The following PRLR variants were observed in gnomAD, a reference collection of about 807,000 sequenced individuals.
PRLR encodes the protein hPRL receptor.
PRLR carries 13 observed loss-of-function variants against 40.2 expected under a neutral mutation model. That is an observed-to-expected ratio of 0.32 (90% confidence interval 0.21 to 0.51). The LOEUF is 0.51. PRLR is among the 20% of genes least tolerant of loss of function. PRLR has a pLI of 0.97. For synonymous variants in PRLR, 269 were observed against 278.7 expected (o/e 0.97, Z 0.35); for missense variants, 656 against 747.3 (o/e 0.88, Z 1.42).
chr5:35,155,863 G>T (rs1774480121), intron 1 of PRLR, among the ~76,000 whole-genome samples: 1 of 152,156 alleles, frequency 6.6e-6, no homozygotes, highest in Admixed American at 6.5e-5. Context: ...GATAATTCAT[G>T]ATTTCACAAA....
rs184625944 is a variant in PRLR, at chr5:35,086,333, T to C, written c.78A>G (p.Leu26=). ...FLNTCLLNGQ[L]PPGKPEIFKC... ...TAAAGATCTCAGGTTTTCCAGGAGGTAACTGTCCTAGAAAAAGCCAGAAGC... is the reference window on the plus strand; with the variant it reads ...TAAAGATCTCAGGTTTTCCAGGAGGCAACTGTCCTAGAAAAAGCCAGAAGC... Residue 26 remains leucine (L), a synonymous_variant, in exon 4 of 10, where the codon TTA becomes TTG. Transcript: ENST00000618457. 34 of 1,613,218 alleles carry C rather than the reference T, an allele frequency of 2.1e-5. No individual in the cohort carries two copies. Among genetic ancestry groups the C allele is most frequent in the Middle Eastern group, 3.4e-4 (2 of 5,860 alleles).
chr5:35,191,983 G>C (rs934785147), intron 1 of PRLR, among the ~76,000 whole-genome samples: 5 of 152,178 alleles, frequency 3.3e-5, no homozygotes, highest in Admixed American at 6.5e-5. Context: ...ATCAAGTCCA[G>C]AGGAATTCTT....
chr5:35,109,437 A>G (rs765823267), intron 2 of PRLR, among the ~76,000 whole-genome samples: 1 of 152,234 alleles, frequency 6.6e-6, no homozygotes, highest in Non-Finnish European at 1.5e-5. Flanking sequence ...GGCAACCTAC[A>G]GAATGGGAGA....
chr5:35,221,949 C>G (rs931741), intron 1 of PRLR, among the ~76,000 whole-genome samples: 89,985 of 152,100 alleles, frequency 0.59, 27,885 homozygotes, highest in Non-Finnish European at 0.7. Flanking sequence ...TCCGTCCCCA[C>G]CCCTAGTCTC....
At chr5:35,179,693 C>T (rs1030502127) in intron 1 of PRLR, among the ~76,000 whole-genome samples, 4 of 152,098 alleles carry the variant, frequency 2.6e-5, no homozygotes, top group African/African-American at 9.7e-5. Context: ...ATGTGTGTCC[C>T]CACCCAAATT....
At chr5:35,219,156 C>G (rs1482507736) in intron 1 of PRLR, among the ~76,000 whole-genome samples, 4 of 152,156 alleles carry the variant, frequency 2.6e-5, no homozygotes, top group Admixed American at 2.6e-4. Flanking sequence ...CTCCCGGAAG[C>G]CCGGCCCAGT....
intron 1 of PRLR, among the ~76,000 whole-genome samples, chr5:35,121,613 C>T (rs1773294051): frequency 6.6e-6 from 1 of 152,192 alleles, no homozygotes; most frequent in South Asian, 2.1e-4. Context: ...TAATACACAA[C>T]ATTTACTAAG....
rs1200061769 is a variant in PRLR at position 35,063,205 on chromosome 5, T to C, written c.*1884A>G. ...TCCCTTACTCACATGATATTGTTTA[T>C]ATATTAGAAAAATGGAGCTTCGTAT... On this transcript the variant is annotated 3_prime_UTR_variant, in exon 10 of 10. Transcript: ENST00000618457. 6.6e-6 allele frequency: 1 copy of C among 152,228 alleles called. No homozygotes were observed. Among genetic ancestry groups the C allele is most frequent in the Non-Finnish European group, 1.5e-5 (1 of 68,046 alleles). The allele number at this position is 152,228 out of a possible 1,614,324, so 9.4% of individuals were successfully genotyped here.
At chr5:35,068,717 T>G in intron 8 of PRLR, 62 bp downstream of exon 8, 2 of 1,250,152 alleles carry the variant, frequency 1.6e-6, no homozygotes, top group East Asian at 2.3e-5. Flanking sequence ...TTTGTATTTT[T>G]TTTTTTGTCA....
At chr5:35,197,514 T>C (rs945973993) in intron 1 of PRLR, among the ~76,000 whole-genome samples, 1 of 152,238 alleles carries the variant, frequency 6.6e-6, no homozygotes, top group African/African-American at 2.4e-5. Context: ...GATGTCATTC[T>C]TGCTGGATTT....
At chr5:35,088,611 T>A (rs1219372073) in intron 3 of PRLR, among the ~76,000 whole-genome samples, 2 of 152,172 alleles carry the variant, frequency 1.3e-5, no homozygotes, top group Non-Finnish European at 2.9e-5. Flanking sequence ...TTTGTAAAAT[T>A]ACAATTAGAC....
At chr5:35,099,808 G>A (rs1418892530) in intron 2 of PRLR, among the ~76,000 whole-genome samples, 1 of 152,188 alleles carries the variant, frequency 6.6e-6, no homozygotes, top group African/African-American at 2.4e-5. Flanking sequence ...AAAGTTTATA[G>A]TATAAGCATA....
chr5:35,143,116 C>T (rs1265513313), intron 1 of PRLR, among the ~76,000 whole-genome samples: 1 of 152,142 alleles, frequency 6.6e-6, no homozygotes, highest in Non-Finnish European at 1.5e-5. Context: ...TATGATTATG[C>T]AAATAAGGAA....
chr5:35,132,582 G>T (rs762684887), intron 1 of PRLR, among the ~76,000 whole-genome samples: 1 of 152,078 alleles, frequency 6.6e-6, no homozygotes, highest in African/African-American at 2.4e-5. Context: ...ATTCAAAATA[G>T]GAAACACATT....
Position 35,070,209 on chromosome 5 carries a change from C to T in PRLR, c.600G>A (p.Gln200=), listed in dbSNP as rs1769659726. Residue 200 remains glutamine, a synonymous_variant, in exon 7 of 10, where the codon CAG becomes CAA. Transcript: ENST00000618457. ...TGCAGCGAACCTGGACAAGGTATTT[C>T]TGTCCTGGATGTAGGCTGAGAATCT... is the stretch of plus-strand genomic sequence containing the variant. The part of the protein sequence containing the change: ...EFKILSLHPG[Q]KYLVQVRCKP... 1 of 1,613,996 alleles carries T rather than the reference C, an allele frequency of 6.2e-7. No homozygotes were observed. The highest frequency in any genetic ancestry group is 8.5e-7 in the Non-Finnish European group (1 of 1,179,984).
At chr5:35,210,672 A>G (rs1292076426) in intron 1 of PRLR, among the ~76,000 whole-genome samples, 1 of 152,154 alleles carries the variant, frequency 6.6e-6, no homozygotes, top group Non-Finnish European at 1.5e-5. Context: ...AACTACTTGC[A>G]TGGTTAGTAT....
rs954852770 is a variant in PRLR, at chr5:35,058,423, A to C, written c.*6666T>G. ...CACAAAATCCAGCCTCATTATGCAA[A>C]GAACACTTGAGAAGTGTCAGCAGTC... On this transcript the variant is annotated 3_prime_UTR_variant, in exon 10 of 10. Coordinates refer to ENST00000618457, the MANE Select transcript of PRLR (RefSeq NM_000949.7). 2 of 152,238 alleles carry C rather than the reference A, an allele frequency of 1.3e-5. No homozygotes were observed. The highest frequency in any genetic ancestry group is 2.4e-5 in the African/African-American group (1 of 41,462). 9.4% of individuals were successfully genotyped at this position (152,238 alleles called of 1,614,324 possible). A position where few individuals can be genotyped will look rare whatever the true frequency, so the allele number is the denominator to read the frequency against.
chr5:35,173,675 C>T (rs1230256489), intron 1 of PRLR, among the ~76,000 whole-genome samples: 3 of 152,176 alleles, frequency 2.0e-5, no homozygotes, highest in South Asian at 2.1e-4. Flanking sequence ...CCAAAACTTT[C>T]CTGCCTCTTA....
At chr5:35,110,840 T>C (rs55868369) in intron 2 of PRLR, among the ~76,000 whole-genome samples, 8,511 of 152,316 alleles carry the variant, frequency 0.056, 568 homozygotes, top group East Asian at 0.18. Flanking sequence ...AACAGAAAGC[T>C]GGGCTGCTTC....
Sources: gnomAD v4.1 joint callset for allele counts (sites outside exome capture counted in the v4.1 genomes callset) on GRCh38, gnomAD v4.1.1 for gene constraint, MANE v1.5 for transcripts, NCBI Gene and HGNC (gene_info 2026-07-23, HGNC 2026-07-21) for gene names.